GRB10: variants seen among roughly 807,000 people sequenced by gnomAD.
GRB10 encodes the protein growth factor receptor-bound protein 10.
Under a neutral mutation model 80.9 loss-of-function variants are expected in GRB10, and 20 were observed. That is an observed-to-expected ratio of 0.25 (90% CI 0.17 to 0.36). The LOEUF is 0.36. Among genes scored for constraint, GRB10 ranks in the 10% least tolerant of loss-of-function variants. The pLI, the probability that GRB10 is intolerant of heterozygous loss-of-function variation, is 1.00. For synonymous variants in GRB10, 291 were observed against 291.5 expected (o/e 1.00, Z 0.02); for missense variants, 548 against 747.7 (o/e 0.73, Z 3.12).
chr7:50,631,340 AC>A (rs1442456454), intron 7 of GRB10, among the ~76,000 whole-genome samples: 2 of 152,020 alleles, frequency 1.3e-5, no homozygotes, highest in Non-Finnish European at 2.9e-5. Flanking sequence ...CCCTGGACAG[AC>A]GGCCCAGCCT....
intron 5 of GRB10, among the ~76,000 whole-genome samples, chr7:50,700,022 C>T (rs2063945552): frequency 6.6e-6 from 1 of 151,946 alleles, no homozygotes; most frequent in African/African-American, 2.4e-5. Flanking sequence ...ACCTGTAGTC[C>T]CAGCTACTCG....
chr7:50,732,430 T>C (rs1429361144), intron 3 of GRB10, 62 bp from the exon 4 acceptor site: 9 of 994,242 alleles, frequency 9.1e-6, no homozygotes, highest in Admixed American at 1.9e-5. Context: ...CCACTACTTA[T>C]GGCTGGTTCA....
At chr7:50,793,228 C>G (rs912699779) in exon 1 of GRB10, 6 of 145,922 alleles carry the variant, frequency 4.1e-5, no homozygotes, top group African/African-American at 1.2e-4. Context: ...CCGTACCTGC[C>G]GCGCGCGGCT....
intron 8 of GRB10, among the ~76,000 whole-genome samples, chr7:50,625,474 T>C (rs2052709747): frequency 6.6e-6 from 1 of 152,194 alleles, no homozygotes. Context: ...TCCAAGTTAC[T>C]TGTGTGTCAA....
At chr7:50,789,723 T>C (rs576039572) in intron 1 of GRB10, among the ~76,000 whole-genome samples, 4 of 152,268 alleles carry the variant, frequency 2.6e-5, no homozygotes, top group South Asian at 4.2e-4. Flanking sequence ...GTAAAGTAGA[T>C]GGTTCAAAAA....
At chr7:50,698,048 C>G (rs376075983) in intron 5 of GRB10, among the ~76,000 whole-genome samples, 1 of 152,022 alleles carries the variant, frequency 6.6e-6, no homozygotes, top group Non-Finnish European at 1.5e-5. Flanking sequence ...TTCCATTTTT[C>G]TTGTGAAATG....
intron 17 of GRB10, among the ~76,000 whole-genome samples, chr7:50,603,584 G>A (rs751573143): frequency 8.7e-4 from 132 of 152,272 alleles, no homozygotes; most frequent in Middle Eastern, 3.4e-3. Flanking sequence ...ACAATGATAC[G>A]TAATTTATTT....
At chr7:50,602,861 C>A (rs1008345620) in intron 17 of GRB10, among the ~76,000 whole-genome samples, 1 of 151,608 alleles carries the variant, frequency 6.6e-6, no homozygotes, top group African/African-American at 2.4e-5. Flanking sequence ...GATGTATTTG[C>A]TGGCAAAAAT....
At chr7:50,793,278 G>A (rs2079013343) in exon 1 of GRB10, 2 of 143,896 alleles carry the variant, frequency 1.4e-5, no homozygotes, top group South Asian at 4.3e-4. Context: ...CACTCGGCGT[G>A]GCCGGCGGCG....
At chr7:50,737,771 C>T (rs1049009857) in intron 3 of GRB10, among the ~76,000 whole-genome samples, 63 of 152,202 alleles carry the variant, frequency 4.1e-4, no homozygotes, top group Middle Eastern at 3.2e-3. Flanking sequence ...ATTGCTTGAA[C>T]CCAGAGGCAG....
intron 4 of GRB10, among the ~76,000 whole-genome samples, chr7:50,724,788 G>A (rs934411265): frequency 3.3e-5 from 5 of 152,198 alleles, no homozygotes; most frequent in Admixed American, 6.5e-5. Flanking sequence ...CTGCGTTACT[G>A]ACAAGGCCAG....
chr7:50,755,794 G>T, intron 3 of GRB10, 93 bp downstream of exon 3: 1 of 398,178 alleles, frequency 2.5e-6, no homozygotes, highest in South Asian at 1.3e-4. Flanking sequence ...TACCTACAGT[G>T]ACACGCATTC....
chr7:50,680,292 C>T (rs1214806747), intron 5 of GRB10, among the ~76,000 whole-genome samples: 1 of 152,146 alleles, frequency 6.6e-6, no homozygotes, highest in African/African-American at 2.4e-5. Flanking sequence ...TAACTCTTGG[C>T]TTTCAGTGTT....
At chr7:50,733,943 T>A (rs955595473) in intron 3 of GRB10, among the ~76,000 whole-genome samples, 2 of 152,204 alleles carry the variant, frequency 1.3e-5, no homozygotes, top group African/African-American at 4.8e-5. Context: ...AGAATTTAGC[T>A]TAAGACTGTA....
At chr7:50,603,344 G>A (rs1052191052) in intron 17 of GRB10, among the ~76,000 whole-genome samples, 39 of 152,188 alleles carry the variant, frequency 2.6e-4, no homozygotes, top group Admixed American at 8.5e-4. Context: ...TTTGGTCAAC[G>A]GGATGGTGGC....
intron 7 of GRB10, among the ~76,000 whole-genome samples, chr7:50,669,476 T>A (rs902096894): frequency 6.6e-6 from 1 of 152,138 alleles, no homozygotes; most frequent in Non-Finnish European, 1.5e-5. Context: ...TAAGATCCAA[T>A]CACCTCCCAC....
rs188972184 is a variant in GRB10, at chr7:50,745,815, A to G, written c.-47+10072T>C. On this transcript the variant is annotated intron_variant, in intron 3 of 18. Transcript: ENST00000401949. Reference sequence around the variant, plus strand: ...GAAGACATCTTTTTACCTAAAGAAAACTTTTTAAAGGCCTCAAAAAGTTAA... The same window carrying G: ...GAAGACATCTTTTTACCTAAAGAAAGCTTTTTAAAGGCCTCAAAAAGTTAA... Among the ~76,000 whole-genome samples the G allele has an allele frequency of 1.6e-4, 25 of 152,316 alleles. No individual in the cohort carries two copies. In the East Asian group the frequency reaches 3.7e-3, roughly 22 times the overall value.
chr7:50,726,374 G>T (rs1473099939), intron 4 of GRB10, among the ~76,000 whole-genome samples: 1 of 152,018 alleles, frequency 6.6e-6, no homozygotes, highest in Admixed American at 6.5e-5. Context: ...TTCCAGCCTA[G>T]GTGACAGAGT....
intron 7 of GRB10, among the ~76,000 whole-genome samples, chr7:50,666,988 C>A (rs1051654475): frequency 5.0e-5 from 7 of 140,444 alleles, no homozygotes; most frequent in African/African-American, 1.6e-4. Flanking sequence ...TGCAGTGAGC[C>A]GAGATTGCGC....
Sources: allele counts gnomAD v4.1 joint callset (sites outside exome capture counted in the v4.1 genomes callset), GRCh38; gene constraint gnomAD v4.1.1; transcripts MANE v1.5; gene names NCBI Gene and HGNC (gene_info 2026-07-23, HGNC 2026-07-21).